ITPR1: variants seen among roughly 807,000 people sequenced by gnomAD.
The protein encoded by ITPR1 is inositol 1,4,5-trisphosphate receptor type 1.
ITPR1 carries 96 observed loss-of-function variants against 318.4 expected under a neutral mutation model. That is an observed-to-expected ratio of 0.30 (90% CI 0.26 to 0.36). The LOEUF is 0.36. ITPR1 is among the 10% of genes least tolerant of loss of function. The pLI is 1.00. For missense variants in ITPR1, 2,440 were observed against 3,460.2 expected, an observed-to-expected ratio of 0.71 and a Z score of 7.40; for synonymous variants, 1,312 against 1,289.9, an observed-to-expected ratio of 1.02 and a Z score of -0.37.
chr3:4,623,431 C>T (rs2092712004), intron 4 of ITPR1, among the ~76,000 whole-genome samples: 1 of 152,168 alleles, frequency 6.6e-6, no homozygotes, highest in Non-Finnish European at 1.5e-5. Context: ...TAAAATAATA[C>T]TTGTCACATA....
intron 44 of ITPR1, chr3:4,751,717 TC>T (rs1404054499): frequency 2.0e-5 from 3 of 152,144 alleles, no homozygotes; most frequent in African/African-American, 7.2e-5. Flanking sequence ...AATTTTTTTT[TC>T]CCCTCTGAGT....
intron 2 of ITPR1, among the ~76,000 whole-genome samples, chr3:4,494,718 A>C (rs2080415693): frequency 1.3e-5 from 2 of 152,224 alleles, no homozygotes; most frequent in Non-Finnish European, 2.9e-5. Flanking sequence ...TGAGAATTGA[A>C]GGAGCCTGAA....
At chr3:4,612,555 A>G (rs1396706156) in intron 4 of ITPR1, among the ~76,000 whole-genome samples, 1 of 151,784 alleles carries the variant, frequency 6.6e-6, no homozygotes, top group Non-Finnish European at 1.5e-5. Context: ...AGTACATGTC[A>G]GACATCATCT....
At position 4,697,323 on chromosome 3, in the gene ITPR1, T is replaced by TGTGTGA. The variant is rs1328283229; in HGVS notation, c.4407+56_4407+57insAGTGTG. The TGTGTGA allele has an allele frequency of 6.1e-5, 79 of 1,286,830 alleles. No homozygotes were observed. In the African/African-American group the frequency reaches 1.1e-3, roughly 18 times the overall value. 79.7% of individuals were successfully genotyped at this position (1,286,830 alleles called of 1,614,324 possible). On this transcript the variant is annotated intron_variant, in intron 34 of 61. Coordinates refer to ENST00000649015, the MANE Select transcript of ITPR1 (RefSeq NM_001378452.1). The stretch of plus-strand genomic sequence containing the variant: ...AGAGTTGGAGAGTGAGAGGTGTGTG[T>TGTGTGA]GTGTGTGTGTGTGTGTGTGTGTGTG...
chr3:4,791,697 C>T (rs535217544), intron 52 of ITPR1, among the ~76,000 whole-genome samples: 6 of 152,270 alleles, frequency 3.9e-5, no homozygotes, highest in African/African-American at 9.6e-5. Flanking sequence ...CAGACAACAA[C>T]GGCATATTTT....
At chr3:4,810,825 G>A (rs994573800) in intron 55 of ITPR1, among the ~76,000 whole-genome samples, 6 of 152,166 alleles carry the variant, frequency 3.9e-5, no homozygotes, top group African/African-American at 1.4e-4. Flanking sequence ...TGCCACTGAC[G>A]CTGGCTTGTA....
rs1341055715 is a variant in ITPR1 at position 4,653,524 on chromosome 3, C to G, written c.952-318C>G. On this transcript the variant is annotated intron_variant, in intron 11 of 61. Coordinates refer to ENST00000649015, the MANE Select transcript of ITPR1 (RefSeq NM_001378452.1). Reference sequence around the variant, plus strand: ...GGAGGCCTACATTTTTTATTTTTAGCTAAAAATAGGATTATCAGTGACTGT... The same window carrying G: ...GGAGGCCTACATTTTTTATTTTTAGGTAAAAATAGGATTATCAGTGACTGT... Among the ~76,000 whole-genome samples the G allele has an allele frequency of 2.0e-5, 3 of 152,124 alleles. No homozygotes were observed. The East Asian group carries it at 5.8e-4, about 29-fold the overall frequency.
chr3:4,662,250 C>T lies in ITPR1; in HGVS notation c.1412+8C>T. The T allele has an allele frequency of 7.6e-6, 12 of 1,583,590 alleles. No individual in the cohort carries two copies. The highest frequency in any genetic ancestry group is 6.9e-6 in the Non-Finnish European group (8 of 1,163,168). On this transcript the variant is annotated splice_region_variant and intron_variant, in intron 15 of 61. Coordinates refer to ENST00000649015, the MANE Select transcript of ITPR1 (RefSeq NM_001378452.1). Reference sequence around the variant, plus strand: ...CACCCAGAATGAAAGGAGGTGAGCACTCCCGCATGCTCAGCACAGCCGCCC... The same window carrying T: ...CACCCAGAATGAAAGGAGGTGAGCATTCCCGCATGCTCAGCACAGCCGCCC...
intron 52 of ITPR1, 102 bp downstream of exon 52, chr3:4,788,241 G>A: frequency 1.1e-6 from 1 of 938,642 alleles, no homozygotes; most frequent in Non-Finnish European, 1.6e-6. Context: ...AGCAAAGCTA[G>A]TATCATTTAT....
In ITPR1 at chr3:4,642,291, T is replaced by C. The variant is rs1047353551; in HGVS notation, c.525+40T>C. ...TCCACCTAGAAAGTCTTCCGTGCCA[T>C]GCTTCCAAGCATGACTGTATATTAG... On this transcript the variant is annotated intron_variant, in intron 7 of 61. Transcript: ENST00000649015. The C allele has an allele frequency of 6.8e-6, 10 of 1,464,982 alleles. No homozygotes were observed. In the African/African-American group the frequency reaches 1.3e-4, roughly 19 times the overall value. The allele number at this position is 1,464,982 out of a possible 1,614,324, so 90.7% of individuals were successfully genotyped here. A position where few individuals can be genotyped will look rare whatever the true frequency, so the allele number is the denominator to read the frequency against.
At chr3:4,776,570 T>A (rs2046500338) in intron 47 of ITPR1, among the ~76,000 whole-genome samples, 1 of 152,212 alleles carries the variant, frequency 6.6e-6, no homozygotes, top group Admixed American at 6.5e-5. Flanking sequence ...TGTCTGTGAA[T>A]GTGAGAATAG....
At chr3:4,839,800 G>T (rs1031753185) in intron 61 of ITPR1, among the ~76,000 whole-genome samples, 2 of 152,140 alleles carry the variant, frequency 1.3e-5, no homozygotes, top group African/African-American at 4.8e-5. Context: ...GGTTTAAACT[G>T]CTTGATTCCA....
intron 2 of ITPR1, among the ~76,000 whole-genome samples, chr3:4,504,204 A>G (rs1167664425): frequency 2.6e-5 from 4 of 152,214 alleles, no homozygotes; most frequent in African/African-American, 4.8e-5. Flanking sequence ...TTTTTGAGAA[A>G]TAACTTTGTA....
Position 4,677,143 on chromosome 3 carries a change from AG to A in ITPR1, c.2967+345del, listed in dbSNP as rs201899026. On this transcript the variant is annotated intron_variant, in intron 24 of 61. Coordinates refer to ENST00000649015, the MANE Select transcript of ITPR1 (RefSeq NM_001378452.1). The stretch of plus-strand genomic sequence containing the variant: ...CTGCTTATTGATCATAACTAGGTTC[AG>A]GGTTCCATCAACTTTGCAAAGCCTT... 4.4e-3 allele frequency among the ~76,000 whole-genome samples: 670 copies of A among 152,336 alleles called. 6 individuals are homozygous for A. Among genetic ancestry groups the A allele is most frequent in the African/African-American group, 0.015 (626 of 41,582 alleles).
intron 24 of ITPR1, among the ~76,000 whole-genome samples, chr3:4,678,924 G>A (rs1224625419): frequency 6.6e-6 from 1 of 152,184 alleles, no homozygotes; most frequent in Non-Finnish European, 1.5e-5. Context: ...AGCTTTGGGT[G>A]TCTAAAATGC....
At chr3:4,700,063 A>G (rs936656700) in intron 35 of ITPR1, 122 bp downstream of exon 35, 9 of 806,042 alleles carry the variant, frequency 1.1e-5, no homozygotes, top group Non-Finnish European at 1.7e-5. Flanking sequence ...TACAAGATAT[A>G]TTTCTCTTGG....
At chr3:4,671,718 G>A (rs1213923130) in intron 20 of ITPR1, 2 of 152,156 alleles carry the variant, frequency 1.3e-5, no homozygotes, top group East Asian at 3.8e-4. Context: ...AAAAGAAAAG[G>A]AAAGGGAAGA....
intron 26 of ITPR1, among the ~76,000 whole-genome samples, chr3:4,682,186 A>G (rs2125230660): frequency 6.6e-6 from 1 of 152,342 alleles, no homozygotes; most frequent in Admixed American, 6.5e-5. Flanking sequence ...GTCATACTGT[A>G]GTGAGGTGGT....
At chr3:4,542,399 C>T (rs1236152608) in intron 4 of ITPR1, among the ~76,000 whole-genome samples, 2 of 152,084 alleles carry the variant, frequency 1.3e-5, no homozygotes, top group East Asian at 3.9e-4. Flanking sequence ...TTGCCAGTTG[C>T]CAGAGATGCT....
Sources: allele counts gnomAD v4.1 joint callset (sites outside exome capture counted in the v4.1 genomes callset), GRCh38; gene constraint gnomAD v4.1.1; transcripts MANE v1.5; gene names NCBI Gene and HGNC (gene_info 2026-07-23, HGNC 2026-07-21).